The following ZNF385D variants were observed in gnomAD, a reference collection of about 807,000 sequenced individuals.
ZNF385D encodes zinc finger protein 385D.
In ZNF385D, 15 loss-of-function variants were observed where a neutral mutation model predicts 35.8. The ratio of observed to expected loss-of-function variants is 0.42; its 90% confidence interval spans 0.28 to 0.64. The LOEUF (loss-of-function observed/expected upper bound fraction) is 0.64. ZNF385D is among the 30% of genes least tolerant of loss of function. The pLI, the probability that ZNF385D is intolerant of heterozygous loss-of-function variation, is 0.23. For synonymous variants in ZNF385D, 212 were observed against 186.8 expected (o/e 1.13, Z -1.10); for missense variants, 474 against 494.6 (o/e 0.96, Z 0.39).
intron 1 of ZNF385D, among the ~76,000 whole-genome samples, chr3:21,747,240 C>A (rs1002850680): frequency 2.0e-5 from 3 of 152,172 alleles, no homozygotes; most frequent in Non-Finnish European, 4.4e-5. Flanking sequence ...GCCCTTTTCT[C>A]TAGGTTTAAT....
intron 3 of ZNF385D, among the ~76,000 whole-genome samples, chr3:22,079,118 A>T (rs950450754): frequency 6.6e-5 from 10 of 152,064 alleles, no homozygotes; most frequent in African/African-American, 2.4e-4. Context: ...GAATAAACAG[A>T]ATGAGTATAA....
intron 3 of ZNF385D, among the ~76,000 whole-genome samples, chr3:21,524,495 A>G (rs1422632298): frequency 2.0e-5 from 3 of 152,200 alleles, no homozygotes; most frequent in Non-Finnish European, 2.9e-5. Flanking sequence ...AGTGCTTAAG[A>G]TCTTAAAGTT....
intron 3 of ZNF385D, among the ~76,000 whole-genome samples, chr3:21,980,056 C>A (rs1258260964): frequency 2.6e-5 from 4 of 152,122 alleles, no homozygotes; most frequent in Non-Finnish European, 5.9e-5. Flanking sequence ...AGATGGTGGA[C>A]TTCCTTTTTA....
At chr3:21,975,167 T>A (rs1160058534) in intron 3 of ZNF385D, among the ~76,000 whole-genome samples, 1 of 152,170 alleles carries the variant, frequency 6.6e-6, no homozygotes, top group Non-Finnish European at 1.5e-5. Flanking sequence ...GCAACCTAAG[T>A]GTCTGTCAAC....
At chr3:21,723,316 G>T (rs145978923) in intron 1 of ZNF385D, among the ~76,000 whole-genome samples, 1 of 152,088 alleles carries the variant, frequency 6.6e-6, no homozygotes, top group Non-Finnish European at 1.5e-5. Context: ...CAAATTGACC[G>T]AAGTATGCTT....
At chr3:21,431,814 GC>G (rs1701304530) in intron 5 of ZNF385D, among the ~76,000 whole-genome samples, 1 of 152,116 alleles carries the variant, frequency 6.6e-6, no homozygotes, top group Non-Finnish European at 1.5e-5. Flanking sequence ...GGCCTTAATA[GC>G]AATAAGGTCA....
intron 3 of ZNF385D, among the ~76,000 whole-genome samples, chr3:22,102,302 C>A (rs9874268): frequency 0.23 from 35,271 of 151,822 alleles, 4,467 homozygotes; most frequent in Non-Finnish European, 0.27. Flanking sequence ...CTCTAGTTAT[C>A]ATATCTACAA....
At chr3:22,212,177 G>A (rs149069736) in intron 2 of ZNF385D, among the ~76,000 whole-genome samples, 2 of 152,048 alleles carry the variant, frequency 1.3e-5, no homozygotes, top group East Asian at 3.9e-4. Flanking sequence ...GAGTGCAAAG[G>A]ACTGAGGAAG....
chr3:22,112,336 C>A, intron 3 of ZNF385D, among the ~76,000 whole-genome samples: 1 of 152,030 alleles, frequency 6.6e-6, no homozygotes, highest in East Asian at 1.9e-4. Context: ...CATTGCCTAA[C>A]AATTTTAGAC....
intron 1 of ZNF385D, among the ~76,000 whole-genome samples, 154 bp downstream of exon 1, chr3:21,750,741 C>A (rs550959363): frequency 6.6e-6 from 1 of 151,916 alleles, no homozygotes; most frequent in Non-Finnish European, 1.5e-5. Context: ...ACAAAGGAAG[C>A]TTTGAAGGCT....
At chr3:22,314,585 A>G (rs938319808) in intron 2 of ZNF385D, among the ~76,000 whole-genome samples, 1 of 152,148 alleles carries the variant, frequency 6.6e-6, no homozygotes, top group Non-Finnish European at 1.5e-5. Context: ...ATATTAAGGA[A>G]TAAGATTGTT....
At chr3:21,445,910 C>T (rs1175421114) in intron 4 of ZNF385D, among the ~76,000 whole-genome samples, 1 of 152,182 alleles carries the variant, frequency 6.6e-6, no homozygotes, top group Non-Finnish European at 1.5e-5. Flanking sequence ...TTATTTCACT[C>T]TTTTCTTTAT....
intron 3 of ZNF385D, among the ~76,000 whole-genome samples, chr3:21,554,043 C>T (rs2062650925): frequency 6.6e-6 from 1 of 152,168 alleles, no homozygotes; most frequent in Non-Finnish European, 1.5e-5. Flanking sequence ...GATATTTTGA[C>T]TTCCTCCCAT....
At chr3:22,062,270 G>C (rs564503021) in intron 3 of ZNF385D, among the ~76,000 whole-genome samples, 2 of 152,014 alleles carry the variant, frequency 1.3e-5, no homozygotes, top group South Asian at 4.2e-4. Flanking sequence ...TACCCAGGCG[G>C]ACTTAAACTC....
chr3:22,203,317 A>C (rs1696929897), intron 2 of ZNF385D, among the ~76,000 whole-genome samples: 1 of 152,092 alleles, frequency 6.6e-6, no homozygotes, highest in African/African-American at 2.4e-5. Flanking sequence ...CCTGAAGGGG[A>C]GAACCCAGTC....
intron 2 of ZNF385D, among the ~76,000 whole-genome samples, chr3:22,311,057 T>G (rs960443625): frequency 6.6e-6 from 1 of 151,802 alleles, no homozygotes; most frequent in African/African-American, 2.4e-5. Context: ...AAGGAATGAC[T>G]AGAAGCAAGC....
chr3:21,543,997 TTG>T (rs530920341), intron 3 of ZNF385D, among the ~76,000 whole-genome samples: 1 of 152,126 alleles, frequency 6.6e-6, no homozygotes, highest in Non-Finnish European at 1.5e-5. Flanking sequence ...CTGGATTTTT[TTG>T]TGTGTGTGTA....
intron 3 of ZNF385D, among the ~76,000 whole-genome samples, chr3:22,156,568 G>A (rs1406949460): frequency 6.6e-6 from 1 of 152,088 alleles, no homozygotes; most frequent in Non-Finnish European, 1.5e-5. Flanking sequence ...TCACTTTGAT[G>A]AGTCTCTTGG....
chr3:21,905,305 T>A (rs1480066434), intron 3 of ZNF385D, among the ~76,000 whole-genome samples: 5 of 151,862 alleles, frequency 3.3e-5, no homozygotes, highest in Non-Finnish European at 7.4e-5. Context: ...TGTCACTTTG[T>A]ATGCATAACT....
Sources: allele counts gnomAD v4.1 joint callset (sites outside exome capture counted in the v4.1 genomes callset), GRCh38; gene constraint gnomAD v4.1.1; transcripts MANE v1.5; gene names NCBI Gene and HGNC (gene_info 2026-07-23, HGNC 2026-07-21).